The following CALM3 variants were observed in gnomAD, a reference collection of about 807,000 sequenced individuals.
CALM3 encodes calmodulin-3.
A neutral mutation model predicts 20.1 loss-of-function variants in CALM3; 5 were observed. The ratio of observed to expected loss-of-function variants is 0.25; its 90% confidence interval spans 0.13 to 0.52. The LOEUF (loss-of-function observed/expected upper bound fraction) is 0.52, where lower values mean the gene tolerates loss of function less well. Ranked by LOEUF, CALM3 falls within the 20% of genes least tolerant of loss-of-function variation. The probability of loss-of-function intolerance (pLI) is 0.96; values close to 1 mark genes in which losing one functional copy is unlikely to be tolerated. For synonymous variants in CALM3, 69 were observed against 68.1 expected (o/e 1.01, Z -0.06); for missense variants, 57 against 192.8 (o/e 0.30, Z 4.17).
rs757537689 is a variant in CALM3, at chr19:46,608,597, C to A, written c.285+9C>A. 6.2e-6 allele frequency: 10 copies of A among 1,600,776 alleles called. No individual in the cohort carries two copies. The highest frequency in any genetic ancestry group is 1.7e-5 in the Admixed American group (1 of 59,984). ...TCCGTGTCTTTGACAAGGTAAGCAG[C>A]CCTCTCCAGGGGCGGCTCTGAGACT... On this transcript the variant is annotated intron_variant, in intron 4 of 5. Transcript: ENST00000291295. This position sits in a 1 kb window ranked among gnomAD's most constrained non-coding sequence, Gnocchi z 5.5.
Position 46,601,571 on chromosome 19 carries a change from C to T in CALM3, c.3+134C>T, listed in dbSNP as rs2122212132. On this transcript the variant is annotated intron_variant, in intron 1 of 5. Coordinates refer to ENST00000291295, the MANE Select transcript of CALM3 (RefSeq NM_005184.4). This position sits in a 1 kb window ranked among gnomAD's most constrained non-coding sequence, Gnocchi z 4.2. ...CGAGAGCCTCGGGACCCTTTTCTAC[C>T]CGCGTTGTCGGGGGCTGTTGAACCC... The T allele has an allele frequency of 1.2e-6, 1 of 866,014 alleles. No individual in the cohort carries two copies. Among genetic ancestry groups the T allele is most frequent in the East Asian group, 3.4e-5 (1 of 29,488 alleles). 53.6% of individuals were successfully genotyped at this position (866,014 alleles called of 1,614,324 possible).
Position 46,601,637 on chromosome 19 carries a change from C to T in CALM3, c.3+200C>T, listed in dbSNP as rs1971619261. 6.6e-6 allele frequency among the ~76,000 whole-genome samples: 1 copy of T among 152,214 alleles called. No individual in the cohort carries two copies. The highest frequency in any genetic ancestry group is 2.1e-4 in the South Asian group (1 of 4,832). ...GATCACCAGAGGTTTCCAGAAGCGACTTTAGCACCAAATGGGATGTTTAAG... is the reference window on the plus strand; with the variant it reads ...GATCACCAGAGGTTTCCAGAAGCGATTTTAGCACCAAATGGGATGTTTAAG... On this transcript the variant is annotated intron_variant, in intron 1 of 5. Coordinates refer to ENST00000291295, the MANE Select transcript of CALM3 (RefSeq NM_005184.4). The surrounding 1 kb of genome is among the most constrained non-coding windows in gnomAD (Gnocchi z 4.2).
rs763622348 is a variant in CALM3, at chr19:46,601,407, C to T, written c.-28C>T. 9.3e-6 allele frequency: 14 copies of T among 1,507,826 alleles called. No individual in the cohort carries two copies. In the South Asian group the frequency reaches 1.6e-4, roughly 17 times the overall value. 93.4% of individuals were successfully genotyped at this position (1,507,826 alleles called of 1,614,324 possible). On this transcript the variant is annotated 5_prime_UTR_variant, in exon 1 of 6. Transcript: ENST00000291295. The surrounding 1 kb of genome is among the most constrained non-coding windows in gnomAD (Gnocchi z 4.2). ...GCCGCCGCCGGAGGAACCTTGATCC[C>T]CGTGCTCCGGACACCCCGGGCCTCG... is the stretch of plus-strand genomic sequence containing the variant.
In CALM3 at chr19:46,609,517, AT is replaced by A. The variant is rs1971825681; in HGVS notation, c.*368del. On this transcript the variant is annotated 3_prime_UTR_variant, in exon 6 of 6. Coordinates refer to ENST00000291295, the MANE Select transcript of CALM3 (RefSeq NM_005184.4). ...TTTGTTTCCTCTTGTTTGTCATCTT[AT>A]TTTGGGTGCTGGGGTGGCTGCCAGC... 1 of 300,520 alleles carries A rather than the reference AT, an allele frequency of 3.3e-6. No homozygotes were observed. The highest frequency in any genetic ancestry group is 6.3e-6 in the Non-Finnish European group (1 of 159,398). The allele number at this position is 300,520 out of a possible 1,614,324, so 18.6% of individuals were successfully genotyped here.
At chr19:46,606,141 C>T (rs961879840) in intron 2 of CALM3, 6 of 380,286 alleles carry the variant, frequency 1.6e-5, no homozygotes, top group Non-Finnish European at 2.9e-5. Flanking sequence ...GGCTGCAGGA[C>T]GAGCCCAACT....
upstream of CALM3, chr19:46,601,211 C>A: frequency 3.3e-6 from 1 of 299,524 alleles, no homozygotes; most frequent in Non-Finnish European, 5.6e-6. This position sits in a 1 kb window ranked among gnomAD's most constrained non-coding sequence, Gnocchi z 4.2. Flanking sequence ...CCGTGGGAGC[C>A]GCAGTGCGGC....
At chr19:46,606,003 A>G (rs1385293143) in intron 2 of CALM3, 146 bp downstream of exon 2, 1 of 717,222 alleles carries the variant, frequency 1.4e-6, no homozygotes, top group Non-Finnish European at 2.4e-6. Flanking sequence ...GAATGCTGAT[A>G]AATGTGTGTA....
At position 46,609,761 on chromosome 19, in the gene CALM3, A is replaced by G. The variant is rs1334803955; in HGVS notation, c.*608A>G. 4 of 153,422 alleles carry G rather than the reference A, an allele frequency of 2.6e-5. No individual in the cohort carries two copies. The highest frequency in any genetic ancestry group is 2.9e-5 in the Non-Finnish European group (2 of 68,800). 9.5% of individuals were successfully genotyped at this position (153,422 alleles called of 1,614,324 possible). A position where few individuals can be genotyped will look rare whatever the true frequency, so the allele number is the denominator to read the frequency against. On this transcript the variant is annotated 3_prime_UTR_variant, in exon 6 of 6. Transcript: ENST00000291295. ...GCCCAGGAGGGGGTCGAGGGGGCCA[A>G]CTCACAGAAGGGGACTGACAGTGGG...
intron 2 of CALM3, among the ~76,000 whole-genome samples, chr19:46,606,591 T>G (rs1028834777): frequency 2.0e-5 from 3 of 152,202 alleles, no homozygotes; most frequent in Non-Finnish European, 4.4e-5. Flanking sequence ...GCTATAGCCT[T>G]AATGCCTGCC....
Position 46,609,307 on chromosome 19 carries a change from C to A in CALM3, c.*154C>A. ...AAAGCAACAAAAGATTTGTCCCAAG[C>A]TGCATGATTGCTCTTTCTCCTTCTT... On this transcript the variant is annotated 3_prime_UTR_variant, in exon 6 of 6. Transcript: ENST00000291295. 2 of 731,536 alleles carry A rather than the reference C, an allele frequency of 2.7e-6. No individual in the cohort carries two copies. The highest frequency in any genetic ancestry group is 4.7e-6 in the Non-Finnish European group (2 of 424,918). 45.3% of individuals were successfully genotyped at this position (731,536 alleles called of 1,614,324 possible).
In CALM3 at chr19:46,608,412, G is replaced by T; in HGVS notation, c.179-70G>T. On this transcript the variant is annotated intron_variant, in intron 3 of 5. Coordinates refer to ENST00000291295, the MANE Select transcript of CALM3 (RefSeq NM_005184.4). This position sits in a 1 kb window ranked among gnomAD's most constrained non-coding sequence, Gnocchi z 5.5. ...AGTGACTGCAGGGAGCCTCTCTCAG[G>T]GTGATGGATGAGCCCGTGTCTCTCA... The T allele has an allele frequency of 3.7e-6, 6 of 1,609,734 alleles. No individual in the cohort carries two copies. Among genetic ancestry groups the T allele is most frequent in the South Asian group, 1.1e-5 (1 of 90,942 alleles).
In CALM3 at chr19:46,609,247, C is replaced by T. The variant is rs1005936586; in HGVS notation, c.*94C>T. On this transcript the variant is annotated 3_prime_UTR_variant, in exon 6 of 6. Coordinates refer to ENST00000291295, the MANE Select transcript of CALM3 (RefSeq NM_005184.4). The stretch of plus-strand genomic sequence containing the variant: ...CAACACTCCCCTGCGTACCCCGGTT[C>T]TAGCAAACACCAATTGATTGACTGA... 4.5e-5 allele frequency: 49 copies of T among 1,096,140 alleles called. No individual in the cohort carries two copies. The highest frequency in any genetic ancestry group is 6.2e-5 in the Non-Finnish European group (45 of 730,036). The allele number at this position is 1,096,140 out of a possible 1,614,324, so 67.9% of individuals were successfully genotyped here. A position where few individuals can be genotyped will look rare whatever the true frequency, so the allele number is the denominator to read the frequency against.
At chr19:46,606,745 G>C (rs1433993572) in intron 2 of CALM3, among the ~76,000 whole-genome samples, 2 of 152,112 alleles carry the variant, frequency 1.3e-5, no homozygotes, top group East Asian at 3.9e-4. Context: ...AGGAACTATT[G>C]TGTAATTACA....
At chr19:46,606,507 T>G (rs959403187) in intron 2 of CALM3, among the ~76,000 whole-genome samples, 5 of 152,224 alleles carry the variant, frequency 3.3e-5, no homozygotes, top group East Asian at 1.9e-4. Flanking sequence ...TATTTTCTTA[T>G]GTCTTCACCT....
In CALM3 at chr19:46,605,504, T is replaced by C. The variant is rs1971723198; in HGVS notation, c.4-323T>C. Among the ~76,000 whole-genome samples the C allele has an allele frequency of 6.6e-6, 1 of 152,232 alleles. No homozygotes were observed. The highest frequency in any genetic ancestry group is 1.5e-5 in the Non-Finnish European group (1 of 68,036). On this transcript the variant is annotated intron_variant, in intron 1 of 5. Coordinates refer to ENST00000291295, the MANE Select transcript of CALM3 (RefSeq NM_005184.4). This position sits in a 1 kb window ranked among gnomAD's most constrained non-coding sequence, Gnocchi z 4.1. ...CTCACCAGCGCTGCTGGTTTGGGGC[T>C]GGGGCAGGCTTTTCTCCCGCCCCTG... is the stretch of plus-strand genomic sequence containing the variant.
rs944382136 is a variant in CALM3 at position 46,608,043 on chromosome 19, A to C, written c.35-154A>C. On this transcript the variant is annotated intron_variant, in intron 2 of 5. Coordinates refer to ENST00000291295, the MANE Select transcript of CALM3 (RefSeq NM_005184.4). The surrounding 1 kb of genome is among the most constrained non-coding windows in gnomAD (Gnocchi z 5.5). ...GGGCTTTGCCCTGAGCACTGAGGAG[A>C]GAGAGCTGGTTGCGTGGGACTTGAA... 86 of 672,474 alleles carry C rather than the reference A, an allele frequency of 1.3e-4. 1 individual carries two copies. In the Admixed American group the frequency reaches 2.2e-3, roughly 17 times the overall value. The allele number at this position is 672,474 out of a possible 1,614,324, so 41.7% of individuals were successfully genotyped here.
intron 1 of CALM3, among the ~76,000 whole-genome samples, chr19:46,603,227 G>A (rs763289037): frequency 7.2e-5 from 11 of 151,814 alleles, no homozygotes; most frequent in Admixed American, 1.3e-4. Context: ...TCCTCTTGCC[G>A]CTACCCCATT....
chr19:46,609,503 T>G lies in CALM3; in HGVS notation c.*350T>G. The stretch of plus-strand genomic sequence containing the variant: ...CTCCTCCATTTTGGTTTGTTTCCTC[T>G]TGTTTGTCATCTTATTTTGGGTGCT... On this transcript the variant is annotated 3_prime_UTR_variant, in exon 6 of 6. Coordinates refer to ENST00000291295, the MANE Select transcript of CALM3 (RefSeq NM_005184.4). 1 of 343,930 alleles carries G rather than the reference T, an allele frequency of 2.9e-6. No homozygotes were observed. 21.3% of individuals were successfully genotyped at this position (343,930 alleles called of 1,614,324 possible). A position where few individuals can be genotyped will look rare whatever the true frequency, so the allele number is the denominator to read the frequency against.
chr19:46,604,060 T>C (rs1971690139), intron 1 of CALM3, among the ~76,000 whole-genome samples: 2 of 152,158 alleles, frequency 1.3e-5, no homozygotes, highest in South Asian at 4.1e-4. Flanking sequence ...GCTTTTTCCA[T>C]TCTAGGCCAG....
Sources: allele counts gnomAD v4.1 joint callset (sites outside exome capture counted in the v4.1 genomes callset), GRCh38; gene constraint gnomAD v4.1.1; non-coding constraint Gnocchi (gnomAD v3.1); transcripts MANE v1.5; gene names NCBI Gene and HGNC (gene_info 2026-07-23, HGNC 2026-07-21).